The following GATA3 variants were observed in gnomAD, a reference collection of about 807,000 sequenced individuals.
GATA3 encodes GATA binding protein 3.
GATA3 carries 6 observed loss-of-function variants against 36.0 expected under a neutral mutation model. The ratio of observed to expected loss-of-function variants is 0.17; its 90% CI spans 0.09 to 0.33. GATA3 has a LOEUF of 0.33. GATA3 is among the 10% of genes least tolerant of loss of function. The pLI, the probability that GATA3 is intolerant of heterozygous loss-of-function variation, is 1.00. For missense variants in GATA3, 514 were observed against 610.1 expected (o/e 0.84, Z 1.66); for synonymous variants, 326 against 273.0 (o/e 1.19, Z -1.92).
chr10:8,064,870 C>G (rs1266116500), intron 4 of GATA3, among the ~76,000 whole-genome samples: 3 of 152,162 alleles, frequency 2.0e-5, no homozygotes, highest in Non-Finnish European at 2.9e-5. Flanking sequence ...TCTCATTATT[C>G]TTTTAAAAAC....
upstream of GATA3, among the ~76,000 whole-genome samples, chr10:8,054,480 G>A (rs2131478402): frequency 6.6e-6 from 1 of 151,956 alleles, no homozygotes; most frequent in South Asian, 2.1e-4. This position sits in a 1 kb window ranked among gnomAD's most constrained non-coding sequence, Gnocchi z 4.2. Flanking sequence ...GCCGGCGGCC[G>A]CCCTCTGCGG....
At chr10:8,047,524 A>G (rs1445805777) in intron 1 of GATA3, among the ~76,000 whole-genome samples, 1 of 152,224 alleles carries the variant, frequency 6.6e-6, no homozygotes, top group East Asian at 1.9e-4. Context: ...CGGTTGGAAT[A>G]ACCAGAGAGA....
chr10:8,066,132 A>G (rs182459933), intron 4 of GATA3, among the ~76,000 whole-genome samples: 116 of 152,072 alleles, frequency 7.6e-4, no homozygotes, highest in Non-Finnish European at 1.4e-3. Context: ...GTCTCAAGGC[A>G]TGGGCTGATT....
intron 3 of GATA3, among the ~76,000 whole-genome samples, chr10:8,061,503 C>CA (rs1440625139): frequency 1.3e-5 from 2 of 152,130 alleles, no homozygotes; most frequent in Non-Finnish European, 2.9e-5. Context: ...GAGCAGCTCA[C>CA]AACAGGCAGG....
upstream of GATA3, chr10:8,050,927 C>G (rs763511016): frequency 1.3e-5 from 6 of 467,820 alleles, no homozygotes; most frequent in Non-Finnish European, 2.6e-5. Flanking sequence ...CGCGGGCGCC[C>G]GGGGCCGCTT....
chr10:8,074,127 T>C lies in GATA3; in HGVS notation c.*104T>C, dbSNP rs1437317959. ...TCATGAAGCCTAAACGCGATGGATATATGTTTTTGAAGGCAGAAAGCAAAA... is the reference window on the plus strand; with the variant it reads ...TCATGAAGCCTAAACGCGATGGATACATGTTTTTGAAGGCAGAAAGCAAAA... On this transcript the variant is annotated 3_prime_UTR_variant, in exon 6 of 6. Coordinates refer to ENST00000379328, the MANE Select transcript of GATA3 (RefSeq NM_001002295.2). The C allele has an allele frequency of 5.9e-6, 8 of 1,349,258 alleles. No homozygotes were observed. Among genetic ancestry groups the C allele is most frequent in the Non-Finnish European group, 7.1e-6 (7 of 990,562 alleles). The allele number at this position is 1,349,258 out of a possible 1,614,324, so 83.6% of individuals were successfully genotyped here.
At chr10:8,054,234 T>C (rs891470138), upstream of GATA3, among the ~76,000 whole-genome samples, 3 of 152,214 alleles carry the variant, frequency 2.0e-5, no homozygotes, top group East Asian at 1.9e-4. The surrounding 1 kb of genome is among the most constrained non-coding windows in gnomAD (Gnocchi z 4.2). Flanking sequence ...ACACCCTGCA[T>C]TAGATCCTAA....
chr10:8,054,476 G>T (rs920971469), upstream of GATA3, among the ~76,000 whole-genome samples: 6 of 151,768 alleles, frequency 4.0e-5, no homozygotes, highest in South Asian at 2.1e-4. The surrounding 1 kb of genome is among the most constrained non-coding windows in gnomAD (Gnocchi z 4.2). Context: ...CTCCGCCGGC[G>T]GCCGCCCTCT....
chr10:8,074,112 TA>T lies in GATA3; in HGVS notation c.*92del, dbSNP rs1168520875. On this transcript the variant is annotated 3_prime_UTR_variant, in exon 6 of 6. Transcript: ENST00000379328. ...TTTGCAGGAGCAGTATCATGAAGCC[TA>T]AACGCGATGGATATATGTTTTTGAA... 7.0e-7 allele frequency: 1 copy of T among 1,438,358 alleles called. No homozygotes were observed. The allele number at this position is 1,438,358 out of a possible 1,614,324, so 89.1% of individuals were successfully genotyped here.
upstream of GATA3, chr10:8,052,686 T>C (rs1283487681): frequency 6.6e-6 from 1 of 152,240 alleles, no homozygotes; most frequent in African/African-American, 2.4e-5. Context: ...TGCGTGTGCA[T>C]TCGTTTCTCC....
chr10:8,058,210 G>A lies in GATA3; in HGVS notation c.242-95G>A, dbSNP rs993158534. ...CCGGGCTTTTGCTGAAAAGGAGGCC[G>A]ATGCGAGGTAGAGATTCCCCAGGTG... On this transcript the variant is annotated intron_variant, in intron 2 of 5. Coordinates refer to ENST00000379328, the MANE Select transcript of GATA3 (RefSeq NM_001002295.2). 1.9e-5 allele frequency: 26 copies of A among 1,385,878 alleles called. No homozygotes were observed. The African/African-American group carries it at 2.1e-4, about 11-fold the overall frequency. 85.8% of individuals were successfully genotyped at this position (1,385,878 alleles called of 1,614,324 possible).
intron 4 of GATA3, among the ~76,000 whole-genome samples, chr10:8,064,714 C>A (rs1216102697): frequency 1.3e-5 from 2 of 152,250 alleles, no homozygotes; most frequent in African/African-American, 4.8e-5. Flanking sequence ...CCTAATGCCA[C>A]TTTCCTCCTT....
chr10:8,058,345 A>T lies in GATA3; in HGVS notation c.282A>T (p.Leu94=), dbSNP rs1832679315. The T allele has an allele frequency of 1.9e-6, 3 of 1,613,156 alleles. No individual in the cohort carries two copies. The highest frequency in any genetic ancestry group is 1.3e-5 in the African/African-American group (1 of 74,852). The change falls in exon 3 of 6, where the codon CTA becomes CTT. Residue 94 remains leucine (L), a synonymous_variant. Coordinates refer to ENST00000379328, the MANE Select transcript of GATA3 (RefSeq NM_001002295.2). ...GCCCGCCTCTGCTTCATGGATCCCT[A>T]CCCTGGCTGGACGGCGGCAAAGCCC... ...VCRPPLLHGS[L]PWLDGGKALG...
chr10:8,055,837 C>T lies in GATA3; in HGVS notation c.182C>T (p.Pro61Leu). Reference protein sequence around the residue: ...FNIDGQGNHVPPYYGNSVRAT... With the variant: ...FNIDGQGNHVLPYYGNSVRAT... ...ATCGACGGTCAAGGCAACCACGTCC[C>T]GCCCTACTACGGAAACTCGGTCAGG... Residue 61 changes from proline to leucine, a missense_variant, in exon 2 of 6, where the codon CCG becomes CTG. Physicochemically the swap from Pro to Leu is moderately conservative, Grantham distance 98. Coordinates refer to ENST00000379328, the MANE Select transcript of GATA3 (RefSeq NM_001002295.2). The surrounding 1 kb of genome is among the most constrained non-coding windows in gnomAD (Gnocchi z 5.4). The T allele has an allele frequency of 1.3e-6, 2 of 1,583,944 alleles. No individual in the cohort carries two copies. The highest frequency in any genetic ancestry group is 1.3e-5 in the African/African-American group (1 of 74,400).
At chr10:8,070,018 AG>A (rs1832905880) in intron 5 of GATA3, among the ~76,000 whole-genome samples, 1 of 152,222 alleles carries the variant, frequency 6.6e-6, no homozygotes, top group African/African-American at 2.4e-5. Flanking sequence ...AATGTGTGGC[AG>A]GGGGTCTGGA....
chr10:8,056,002 C>T (rs1832630181), intron 2 of GATA3, 106 bp downstream of exon 2: 1 of 1,429,770 alleles, frequency 7.0e-7, no homozygotes, highest in Non-Finnish European at 9.6e-7. Context: ...CGAAAGCCCC[C>T]ATCTGCCGTT....
At chr10:8,047,164 G>A (rs957406255) in intron 1 of GATA3, among the ~76,000 whole-genome samples, 2 of 152,194 alleles carry the variant, frequency 1.3e-5, no homozygotes, top group African/African-American at 4.8e-5. Context: ...TGTTTGGTAG[G>A]GGTTTTCTTT....
intron 4 of GATA3, 131 bp downstream of exon 4, chr10:8,064,269 T>A: frequency 2.1e-5 from 3 of 143,594 alleles, no homozygotes. Flanking sequence ...CTTGGGACAG[T>A]TTTTTTTTTT....
In GATA3 at chr10:8,058,707, C is replaced by T. The variant is rs1474106412; in HGVS notation, c.644C>T (p.Thr215Ile). ...MTALGGASSS[T>I]HHPITTYPPY... Reference sequence around the variant, plus strand: ...GCCCTGGGTGGAGCCTCCTCGTCGACCCACCACCCCATCACCACCTACCCG... The same window carrying T: ...GCCCTGGGTGGAGCCTCCTCGTCGATCCACCACCCCATCACCACCTACCCG... Residue 215 changes from threonine to isoleucine, a missense_variant, in exon 3 of 6, where the codon ACC (threonine) becomes ATC (isoleucine). Physicochemically the swap from Thr to Ile is moderately conservative, Grantham distance 89. Around this residue, in one of 3 missense-constraint regions of GATA3, gnomAD observed 381 missense variants for 354.3 expected, o/e 1.08. Coordinates refer to ENST00000379328, the MANE Select transcript of GATA3 (RefSeq NM_001002295.2). 1.2e-6 allele frequency: 2 copies of T among 1,612,904 alleles called. No individual in the cohort carries two copies. Among genetic ancestry groups the T allele is most frequent in the East Asian group, 2.2e-5 (1 of 44,832 alleles).
Sources: allele counts gnomAD v4.1 joint callset (sites outside exome capture counted in the v4.1 genomes callset), GRCh38; gene constraint gnomAD v4.1.1; regional missense constraint gnomAD v4.1.1; non-coding constraint Gnocchi (gnomAD v3.1); transcripts MANE v1.5; gene names NCBI Gene and HGNC (gene_info 2026-07-23, HGNC 2026-07-21).